FAM120B: variants seen among roughly 807,000 people sequenced by gnomAD.
FAM120B encodes constitutive coactivator of peroxisome proliferator-activated receptor gamma.
FAM120B carries 83 observed loss-of-function variants against 96.3 expected under a neutral mutation model. The ratio of observed to expected loss-of-function variants is 0.86; its 90% CI spans 0.72 to 1.03. The LOEUF (loss-of-function observed/expected upper bound fraction) is 1.03. Ranked by LOEUF, FAM120B falls within the 50% of genes least tolerant of loss-of-function variation. FAM120B has a pLI of 0.00. For synonymous variants in FAM120B, 407 were observed against 402.7 expected, an observed-to-expected ratio of 1.01 and a Z score of -0.13; for missense variants, 1,027 against 1,121.2, an observed-to-expected ratio of 0.92 and a Z score of 1.20.
chr6:170,388,771 C>A (rs1176457227), intron 7 of FAM120B, among the ~76,000 whole-genome samples: 1 of 152,148 alleles, frequency 6.6e-6, no homozygotes, highest in Admixed American at 6.5e-5. Context: ...GATCCTTGAA[C>A]AATGCAAGGG....
At chr6:170,336,967 C>T (rs1455689413) in intron 4 of FAM120B, among the ~76,000 whole-genome samples, 27 of 152,132 alleles carry the variant, frequency 1.8e-4, no homozygotes, top group East Asian at 5.8e-4. Flanking sequence ...TATACAATCA[C>T]GTCATCTGCA....
intron 4 of FAM120B, among the ~76,000 whole-genome samples, chr6:170,337,020 T>G (rs1464708528): frequency 3.9e-5 from 6 of 152,190 alleles, no homozygotes; most frequent in African/African-American, 1.2e-4. Context: ...TTGAATACTT[T>G]TTATTTCTTT....
intron 8 of FAM120B, among the ~76,000 whole-genome samples, chr6:170,394,821 G>A (rs1057216367): frequency 5.9e-5 from 9 of 152,376 alleles, no homozygotes; most frequent in South Asian, 4.1e-4. Flanking sequence ...GTGTGGTCAC[G>A]CACTGGGAGT....
At chr6:170,392,448 C>T (rs1359091609) in intron 8 of FAM120B, among the ~76,000 whole-genome samples, 1 of 152,136 alleles carries the variant, frequency 6.6e-6, no homozygotes, top group Non-Finnish European at 1.5e-5. Context: ...CCTCGTGATC[C>T]GCTGGTTTTC....
upstream of FAM120B, among the ~76,000 whole-genome samples, chr6:170,295,100 G>A (rs971906890): frequency 3.3e-4 from 50 of 152,234 alleles, 1 homozygote; most frequent in Admixed American, 1.9e-3. This position sits in a 1 kb window ranked among gnomAD's most constrained non-coding sequence, Gnocchi z 7.8. Context: ...AGTTAACGTA[G>A]CAGAGGAATG....
chr6:170,332,160 G>A (rs1786096774), intron 4 of FAM120B, among the ~76,000 whole-genome samples: 1 of 152,208 alleles, frequency 6.6e-6, no homozygotes, highest in Non-Finnish European at 1.5e-5. Context: ...CATTTCCACA[G>A]CTGTTACTCT....
At chr6:170,401,798 G>A (rs1778596542) in intron 9 of FAM120B, among the ~76,000 whole-genome samples, 1 of 152,208 alleles carries the variant, frequency 6.6e-6, no homozygotes, top group African/African-American at 2.4e-5. Context: ...ACCCCGGTAA[G>A]TATAATGCAG....
chr6:170,361,593 C>T (rs1788463502), intron 6 of FAM120B, among the ~76,000 whole-genome samples: 4 of 152,052 alleles, frequency 2.6e-5, no homozygotes, highest in Admixed American at 6.6e-5. Context: ...AGTTAGGTCT[C>T]TGAGTGCCAG....
At chr6:170,304,689 A>G (rs962250326), upstream of FAM120B, among the ~76,000 whole-genome samples, 1 of 152,034 alleles carries the variant, frequency 6.6e-6, no homozygotes, top group African/African-American at 2.4e-5. Context: ...TCCCCTCAGC[A>G]TGAACCTCCT....
In FAM120B at chr6:170,295,881, G is replaced by T. The variant is rs546269808; in HGVS notation, c.48+428G>T. Among the ~76,000 whole-genome samples the T allele has an allele frequency of 1.3e-5, 2 of 152,186 alleles. No individual in the cohort carries two copies. The highest frequency in any genetic ancestry group is 2.0e-4 in the East Asian group (1 of 5,126). ...CCGGGGCCGAGGCCAGGCCCGCTGCGAGCAGCGGAGGCATGTGCTGATTTG... is the reference window on the plus strand; with the variant it reads ...CCGGGGCCGAGGCCAGGCCCGCTGCTAGCAGCGGAGGCATGTGCTGATTTG... On this transcript the variant is annotated intron_variant, in intron 1 of 10. Coordinates refer to the FAM120B transcript ENST00000537664. The surrounding 1 kb of genome is among the most constrained non-coding windows in gnomAD (Gnocchi z 7.8).
In FAM120B at chr6:170,397,929, C is replaced by A. The variant is rs1016591180; in HGVS notation, c.2692+2350C>A. ...GACTGGGCAGGGCGTGCTGTCATGTCCCCTACTCCTAGCCTCGTGGTAAGA... is the reference window on the plus strand; with the variant it reads ...GACTGGGCAGGGCGTGCTGTCATGTACCCTACTCCTAGCCTCGTGGTAAGA... On this transcript the variant is annotated intron_variant, in intron 9 of 10. Coordinates refer to ENST00000476287, the MANE Select transcript of FAM120B (RefSeq NM_032448.3). 2.6e-5 allele frequency among the ~76,000 whole-genome samples: 4 copies of A among 152,190 alleles called. No homozygotes were observed. The South Asian group carries it at 8.3e-4, about 32-fold the overall frequency.
At position 170,336,685 on chromosome 6, in the gene FAM120B, G is replaced by C. The variant is rs1216769946; in HGVS notation, c.2017+6135G>C. ...ATGAGCATGGAATGTTTTTCCATTT[G>C]TTTGTGTCCTCTCTTATTTCCTTGA... On this transcript the variant is annotated intron_variant, in intron 4 of 10. Coordinates refer to ENST00000476287, the MANE Select transcript of FAM120B (RefSeq NM_032448.3). Among the ~76,000 whole-genome samples the C allele has an allele frequency of 2.6e-5, 4 of 152,232 alleles. No homozygotes were observed. The East Asian group carries it at 7.7e-4, about 29-fold the overall frequency.
intron 5 of FAM120B, among the ~76,000 whole-genome samples, chr6:170,357,391 G>A (rs896967907): frequency 2.0e-5 from 3 of 152,062 alleles, no homozygotes; most frequent in Admixed American, 2.0e-4. Flanking sequence ...CGCTCTTCAC[G>A]CCCTCTCCTT....
chr6:170,368,492 G>T (rs1041698453), intron 6 of FAM120B, among the ~76,000 whole-genome samples: 1 of 152,158 alleles, frequency 6.6e-6, no homozygotes, highest in Non-Finnish European at 1.5e-5. Context: ...CGTTAAGATG[G>T]CGCTTTACCG....
At chr6:170,401,221 G>T (rs955008605) in intron 9 of FAM120B, among the ~76,000 whole-genome samples, 1 of 152,160 alleles carries the variant, frequency 6.6e-6, no homozygotes, top group South Asian at 2.1e-4. Flanking sequence ...CCCCCCAGTC[G>T]CCCCGGTCTT....
chr6:170,395,646 C>A, intron 9 of FAM120B, 67 bp downstream of exon 9: 2 of 1,126,196 alleles, frequency 1.8e-6, no homozygotes, highest in Non-Finnish European at 2.6e-6. Flanking sequence ...TGTGCTTTTG[C>A]TGATAACTGC....
Position 170,330,494 on chromosome 6 carries a change from C to T in FAM120B, c.1961C>T (p.Pro654Leu). The change falls in exon 4 of 11, where the codon CCT becomes CTT. Residue 654 changes from proline to leucine, a missense_variant. Physicochemically the swap from Pro to Leu is moderately conservative, Grantham distance 98. Transcript: ENST00000476287. ...CLAVKEWFVY[P>L]GNPLRHPDLV... is the part of the protein sequence containing the mutation. ...GCTGTCAAGGAGTGGTTTGTGTATC[C>T]TGGGAACCCACTGAGGCACCCGGAC... 6.2e-7 allele frequency: 1 copy of T among 1,614,144 alleles called. No homozygotes were observed. Among genetic ancestry groups the T allele is most frequent in the Non-Finnish European group, 8.5e-7 (1 of 1,180,018 alleles).
chr6:170,380,065 T>C (rs2115282148), intron 6 of FAM120B, among the ~76,000 whole-genome samples: 1 of 152,362 alleles, frequency 6.6e-6, no homozygotes, highest in East Asian at 1.9e-4. Flanking sequence ...ATTTGGCGTT[T>C]TCAAGATTCC....
Position 170,331,925 on chromosome 6 carries a change from C to A in FAM120B, c.2017+1375C>A, listed in dbSNP as rs1161712328. Among the ~76,000 whole-genome samples, 3 of 152,242 alleles carry A rather than the reference C, an allele frequency of 2.0e-5. No individual in the cohort carries two copies. The South Asian group carries it at 6.2e-4, about 31-fold the overall frequency. On this transcript the variant is annotated intron_variant, in intron 4 of 10. Coordinates refer to ENST00000476287, the MANE Select transcript of FAM120B (RefSeq NM_032448.3). The stretch of plus-strand genomic sequence containing the variant: ...AGCCTGTGCCCTACATGGAGGGCCA[C>A]GTCTCAAACACACTCATTTTCACAG...
Sources: gnomAD v4.1 joint callset for allele counts (sites outside exome capture counted in the v4.1 genomes callset) on GRCh38, gnomAD v4.1.1 for gene constraint, Gnocchi (gnomAD v3.1) non-coding constraint, MANE v1.5 for transcripts, NCBI Gene and HGNC (gene_info 2026-07-23, HGNC 2026-07-21) for gene names.